ADGRL3: variants seen among roughly 807,000 people sequenced by gnomAD.
The protein encoded by ADGRL3 is adhesion G protein-coupled receptor L3, also known as calcium-independent alpha-latrotoxin receptor 3.
A neutral mutation model predicts 153.5 loss-of-function variants in ADGRL3; 62 were observed. The ratio of observed to expected loss-of-function variants is 0.40; its 90% CI spans 0.33 to 0.50. ADGRL3 has a LOEUF of 0.50. Among genes scored for constraint, ADGRL3 ranks in the 20% least tolerant of loss-of-function variants. The pLI, the probability that ADGRL3 is intolerant of heterozygous loss-of-function variation, is 0.47. For missense variants in ADGRL3, 1,641 were observed against 1,859.4 expected (o/e 0.88, Z 2.16); for synonymous variants, 710 against 672.5 (o/e 1.06, Z -0.86).
At chr4:61,861,930 C>T (rs1258056116) in intron 9 of ADGRL3, among the ~76,000 whole-genome samples, 2 of 152,128 alleles carry the variant, frequency 1.3e-5, no homozygotes, top group Non-Finnish European at 2.9e-5. Flanking sequence ...ACAGCTTCTA[C>T]TTTCTGAAAG....
chr4:61,651,590 G>A (rs192506708), intron 5 of ADGRL3, among the ~76,000 whole-genome samples: 15 of 151,652 alleles, frequency 9.9e-5, no homozygotes, highest in African/African-American at 3.6e-4. Flanking sequence ...TTTTTTGTGT[G>A]TTTGTTTTGT....
intron 1 of ADGRL3, among the ~76,000 whole-genome samples, chr4:61,308,021 C>G (rs554694541): frequency 1.2e-3 from 186 of 152,236 alleles, no homozygotes; most frequent in African/African-American, 4.3e-3. Context: ...CTTATTTGTC[C>G]AGGAAGAAGC....
chr4:61,481,136 T>TGC (rs2098127870), intron 2 of ADGRL3, among the ~76,000 whole-genome samples: 2 of 152,194 alleles, frequency 1.3e-5, no homozygotes, highest in African/African-American at 2.4e-5. Context: ...ACCTAATTAA[T>TGC]ACAATGACCT....
chr4:61,629,335 TAAC>T (rs2093014930), intron 5 of ADGRL3, among the ~76,000 whole-genome samples: 1 of 152,100 alleles, frequency 6.6e-6, no homozygotes, highest in African/African-American at 2.4e-5. Flanking sequence ...ATTTGCAGTT[TAAC>T]AACATAAATC....
At chr4:61,981,444 A>C (rs1211168217) in intron 18 of ADGRL3, among the ~76,000 whole-genome samples, 1 of 151,982 alleles carries the variant, frequency 6.6e-6, no homozygotes, top group Non-Finnish European at 1.5e-5. Context: ...TATTTGCATG[A>C]GTTCTGGTCA....
chr4:62,035,029 T>C (rs1404558596), intron 23 of ADGRL3, among the ~76,000 whole-genome samples: 1 of 151,994 alleles, frequency 6.6e-6, no homozygotes, highest in Non-Finnish European at 1.5e-5. Context: ...AATAGTAGAT[T>C]AGAATATGCA....
intron 5 of ADGRL3, among the ~76,000 whole-genome samples, chr4:61,619,311 T>C (rs1182700442): frequency 6.6e-6 from 1 of 152,200 alleles, no homozygotes; most frequent in Non-Finnish European, 1.5e-5. Flanking sequence ...TTGTAATCTT[T>C]CATGAAAAAC....
At chr4:61,473,238 TG>T (rs2097990901) in intron 2 of ADGRL3, among the ~76,000 whole-genome samples, 1 of 149,304 alleles carries the variant, frequency 6.7e-6, no homozygotes, top group African/African-American at 2.5e-5. Context: ...TGTGTGTGTG[TG>T]TGTGGTCTTT....
chr4:61,685,337 A>G (rs2095423065), intron 6 of ADGRL3, among the ~76,000 whole-genome samples: 1 of 152,176 alleles, frequency 6.6e-6, no homozygotes. Flanking sequence ...GCCAGTGAAG[A>G]CGTTAGTCCC....
intron 8 of ADGRL3, among the ~76,000 whole-genome samples, chr4:61,798,743 G>A (rs1019969926): frequency 6.6e-6 from 1 of 151,210 alleles, no homozygotes; most frequent in East Asian, 2.0e-4. Flanking sequence ...TTAGCCTCCC[G>A]AGTGGCTGTG....
At chr4:62,040,754 A>C (rs2151629524) in intron 24 of ADGRL3, among the ~76,000 whole-genome samples, 1 of 152,214 alleles carries the variant, frequency 6.6e-6, no homozygotes, top group Middle Eastern at 3.4e-3. Context: ...CCCAACAAAA[A>C]TATCAAATGG....
chr4:61,719,591 AC>A (rs1329285676), intron 6 of ADGRL3, among the ~76,000 whole-genome samples: 1 of 138,580 alleles, frequency 7.2e-6, no homozygotes, highest in Non-Finnish European at 1.5e-5. Flanking sequence ...CATTTCTTTC[AC>A]CTCTGTCATA....
At chr4:61,725,743 A>C (rs921431598) in intron 6 of ADGRL3, among the ~76,000 whole-genome samples, 2 of 141,342 alleles carry the variant, frequency 1.4e-5, no homozygotes, top group African/African-American at 5.5e-5. Context: ...TTTCTAAAGT[A>C]TGCTTTTTCA....
In ADGRL3 at chr4:62,007,488, A is replaced by G. The variant is rs541255322; in HGVS notation, c.3395+9223A>G. On this transcript the variant is annotated intron_variant, in intron 21 of 26. Transcript: ENST00000683033. ...TGTGTGTGTATATATATATATATGT[A>G]TATATATCTCCTAACCTCCTCTGGT... Among the ~76,000 whole-genome samples the G allele has an allele frequency of 2.7e-3, 377 of 142,200 alleles. 2 individuals carry two copies. The highest frequency in any genetic ancestry group is 7.4e-3 in the Middle Eastern group (2 of 270). The allele number at this position is 142,200 out of a possible 152,430, so 93.3% of individuals were successfully genotyped here.
chr4:61,495,582 T>A (rs1051257055), intron 2 of ADGRL3, among the ~76,000 whole-genome samples: 1 of 152,020 alleles, frequency 6.6e-6, no homozygotes, highest in African/African-American at 2.4e-5. Flanking sequence ...TTGATCAGTT[T>A]GAAAGGTGCT....
At chr4:61,336,036 G>T (rs1338039346) in intron 1 of ADGRL3, among the ~76,000 whole-genome samples, 2 of 152,032 alleles carry the variant, frequency 1.3e-5, no homozygotes, top group Non-Finnish European at 2.9e-5. Context: ...AATCAAGGAA[G>T]TCATATATAT....
In ADGRL3 at chr4:61,418,731, A is replaced by G. The variant is rs536918576; in HGVS notation, c.-174+35542A>G. Among the ~76,000 whole-genome samples the G allele has an allele frequency of 1.6e-3, 248 of 150,894 alleles. 2 individuals are homozygous for G. The highest frequency in any genetic ancestry group is 2.8e-3 in the Non-Finnish European group (191 of 68,000). On this transcript the variant is annotated intron_variant, in intron 2 of 26. Transcript: ENST00000683033. Reference sequence around the variant, plus strand: ...CATTTTTAAATAAAATGATCTATTCATTCACATTAATATGTGTTAATGAAA... The same window carrying G: ...CATTTTTAAATAAAATGATCTATTCGTTCACATTAATATGTGTTAATGAAA...
intron 11 of ADGRL3, among the ~76,000 whole-genome samples, chr4:61,898,162 T>C (rs1480515853): frequency 6.6e-6 from 1 of 152,058 alleles, no homozygotes; most frequent in Non-Finnish European, 1.5e-5. Flanking sequence ...GTGACTATCA[T>C]GTAAGTCCAC....
chr4:61,212,129 A>G (rs1187459480), intron 1 of ADGRL3: 1 of 152,244 alleles, frequency 6.6e-6, no homozygotes, highest in East Asian at 1.9e-4. Context: ...TTCTAAAACC[A>G]GAAGTGGAGA....
Sources: gnomAD v4.1 joint callset for allele counts (sites outside exome capture counted in the v4.1 genomes callset) on GRCh38, gnomAD v4.1.1 for gene constraint, MANE v1.5 for transcripts, NCBI Gene and HGNC (gene_info 2026-07-23, HGNC 2026-07-21) for gene names.